CEP290: variants seen among roughly 807,000 people sequenced by gnomAD.
The protein encoded by CEP290 is centrosomal protein 290.
In CEP290, 317 loss-of-function variants were observed where a neutral mutation model predicts 344.9. The ratio of observed to expected loss-of-function variants is 0.92; its 90% CI spans 0.84 to 1.01. The LOEUF (loss-of-function observed/expected upper bound fraction) is 1.01. Among genes scored for constraint, CEP290 ranks in the 50% least tolerant of loss-of-function variants. CEP290 has a pLI of 0.00. For synonymous variants in CEP290, 932 were observed against 895.8 expected, an observed-to-expected ratio of 1.04 and a Z score of -0.72; for missense variants, 2,754 against 2,761.4, an observed-to-expected ratio of 1.00 and a Z score of 0.06.
chr12:88,100,370 C>T (rs975811947), intron 26 of CEP290, among the ~76,000 whole-genome samples: 11 of 151,612 alleles, frequency 7.3e-5, no homozygotes, highest in Admixed American at 4.6e-4. Context: ...TTTTCTTTTG[C>T]TTTATTACCC....
intron 5 of CEP290, among the ~76,000 whole-genome samples, chr12:88,138,748 T>C (rs1290371868): frequency 2.6e-5 from 4 of 152,220 alleles, no homozygotes; most frequent in Admixed American, 6.5e-5. Context: ...ATCACATTCC[T>C]ACCTTCTCAG....
chr12:88,090,921 T>G (rs1300625436), intron 29 of CEP290, 82 bp from the exon 30 acceptor site: 9 of 737,434 alleles, frequency 1.2e-5, no homozygotes, highest in Non-Finnish European at 2.2e-6. Flanking sequence ...TAGACCCTTT[T>G]TCAAAAAGCC....
At chr12:88,049,615 T>C in intron 53 of CEP290, 1 of 442,320 alleles carries the variant, frequency 2.3e-6, no homozygotes, top group Non-Finnish European at 4.0e-6. Context: ...AGTCCAGTTA[T>C]GTATTCTGTA....
At chr12:88,100,091 C>T (rs965706501) in intron 26 of CEP290, among the ~76,000 whole-genome samples, 7 of 151,940 alleles carry the variant, frequency 4.6e-5, no homozygotes, top group African/African-American at 1.7e-4. Context: ...ACCAGCCCGG[C>T]CAACATGGCA....
chr12:88,054,619 C>T (rs1030507903), intron 50 of CEP290, among the ~76,000 whole-genome samples: 1 of 152,130 alleles, frequency 6.6e-6, no homozygotes, highest in African/African-American at 2.4e-5. Flanking sequence ...CAGAGGCTAA[C>T]AGCAGTGAAC....
intron 18 of CEP290, chr12:88,115,446 T>C (rs2038981722): frequency 7.9e-7 from 1 of 1,265,784 alleles, no homozygotes; most frequent in Non-Finnish European, 1.0e-6. Context: ...AGTACCACAA[T>C]CATCTCTTTT....
chr12:88,083,801 G>T (rs1224058829), intron 36 of CEP290, 46 bp downstream of exon 36: 2 of 1,219,758 alleles, frequency 1.6e-6, no homozygotes, highest in African/African-American at 1.5e-5. Context: ...AATTTACATG[G>T]TCACAAAAAT....
chr12:88,090,162 T>C (rs1482307468), intron 30 of CEP290, among the ~76,000 whole-genome samples: 1 of 152,224 alleles, frequency 6.6e-6, no homozygotes, highest in Non-Finnish European at 1.5e-5. Flanking sequence ...AATATTGTTA[T>C]TAAAGATTTA....
At chr12:88,086,588 A>C (rs2036593263) in intron 32 of CEP290, 90 bp from the exon 33 acceptor site, 2 of 808,146 alleles carry the variant, frequency 2.5e-6, no homozygotes, top group East Asian at 2.8e-5. Context: ...TCTAATCCTC[A>C]CAACACATTG....
intron 49 of CEP290, 31 bp downstream of exon 49, chr12:88,058,817 A>T: frequency 6.2e-7 from 1 of 1,606,086 alleles, no homozygotes. Context: ...AAATGATTAA[A>T]CTTTGTACAA....
At chr12:88,077,435 G>A (rs1346248373) in intron 40 of CEP290, 91 bp from the exon 41 acceptor site, 1 of 883,186 alleles carries the variant, frequency 1.1e-6, no homozygotes, top group African/African-American at 1.7e-5. Flanking sequence ...GCAACTTTCT[G>A]AAGCTATCAC....
intron 25 of CEP290, chr12:88,103,955 T>G (rs2038085872): frequency 6.6e-6 from 1 of 152,082 alleles, no homozygotes. Flanking sequence ...CCCTTTTTCT[T>G]GGCTCTTCAA....
chr12:88,054,348 T>C lies in CEP290; in HGVS notation c.7026A>G (p.Gln2342=). 5 of 1,603,242 alleles carry C rather than the reference T, an allele frequency of 3.1e-6. No homozygotes were observed. The highest frequency in any genetic ancestry group is 2.2e-5 in the East Asian group (1 of 44,738). The change falls in exon 51 of 54, where the codon CAA becomes CAG. Residue 2342 remains glutamine (Q), a synonymous_variant. Transcript: ENST00000552810. ...ETEQGLKREL[Q]VLRLANHQLD... ...ATGAATACATGATGTACCTAAGAAC[T>C]TGAAGCTCCCGTTTAAGGCCTTGCT...
chr12:88,106,695 C>A lies in CEP290; in HGVS notation c.2797G>T (p.Gly933Trp), dbSNP rs772933929. 9 of 1,607,618 alleles carry A rather than the reference C, an allele frequency of 5.6e-6. No homozygotes were observed. Among genetic ancestry groups the A allele is most frequent in the Non-Finnish European group, 2.5e-6 (3 of 1,177,894 alleles). Reference sequence around the variant, plus strand: ...TGTACCTTAAATCTTTGCAAACACCCAATTTTTTCACAAACTTCAGCCTCC... The same window carrying A: ...TGTACCTTAAATCTTTGCAAACACCAAATTTTTTCACAAACTTCAGCCTCC... The part of the protein sequence containing the change: ...SMEAEVCEKI[G>W]CLQRFKEMAI... The change falls in exon 25 of 54, where the codon GGG (glycine) becomes TGG (tryptophan). Residue 933 changes from glycine (G) to tryptophan (W), a missense_variant. Gly to Trp is a radical substitution (Grantham distance 184). Coordinates refer to ENST00000552810, the MANE Select transcript of CEP290 (RefSeq NM_025114.4).
intron 6 of CEP290, among the ~76,000 whole-genome samples, chr12:88,134,996 G>A (rs1032475145): frequency 3.3e-5 from 5 of 151,926 alleles, no homozygotes; most frequent in Admixed American, 2.0e-4. Context: ...GGCTGATTAC[G>A]GTATCTCTCT....
chr12:88,069,273 T>C (rs1418365333), intron 43 of CEP290, among the ~76,000 whole-genome samples: 1 of 152,114 alleles, frequency 6.6e-6, no homozygotes, highest in Non-Finnish European at 1.5e-5. Context: ...CTCTTTAATA[T>C]CTAGATGATT....
At position 88,068,640 on chromosome 12, in the gene CEP290, T is replaced by A; in HGVS notation, c.6017A>T (p.His2006Leu). 1 of 1,596,418 alleles carries A rather than the reference T, an allele frequency of 6.3e-7. No homozygotes were observed. The highest frequency in any genetic ancestry group is 1.2e-5 in the South Asian group (1 of 85,828). The change falls in exon 44 of 54, where the codon CAC becomes CTC. Residue 2006 changes from histidine (H) to leucine (L), a missense_variant. Transcript: ENST00000552810. The part of the protein sequence containing the change: ...LENDILYMRA[H>L]QALPRDSVVE... ...AACAGAATCTCGAGGAAGAGCTTGG[T>A]GGGCCCTATGAACAACAATCACAGA... is the stretch of plus-strand genomic sequence containing the variant.
In CEP290 at chr12:88,130,550, T is replaced by C; in HGVS notation, c.511A>G (p.Lys171Glu). 1.9e-6 allele frequency: 3 copies of C among 1,592,694 alleles called. No individual in the cohort carries two copies. Among genetic ancestry groups the C allele is most frequent in the Non-Finnish European group, 2.6e-6 (3 of 1,170,906 alleles). ...KLRRENKRLK[K>E]KNEQLCQDII... ...CACCACACTTAAAGCCTCACCTTTTTCTTTAGACGTTTGTTCTACAGAAAA... is the reference window on the plus strand; with the variant it reads ...CACCACACTTAAAGCCTCACCTTTTCCTTTAGACGTTTGTTCTACAGAAAA... The change falls in exon 8 of 54, where the codon AAA becomes GAA. Residue 171 changes from lysine to glutamate, a missense_variant. Coordinates refer to ENST00000552810, the MANE Select transcript of CEP290 (RefSeq NM_025114.4).
intron 34 of CEP290, among the ~76,000 whole-genome samples, chr12:88,085,576 A>C (rs2036518318): frequency 6.6e-6 from 1 of 152,142 alleles, no homozygotes; most frequent in South Asian, 2.1e-4. Flanking sequence ...AATTTAATGA[A>C]GATGACAGAT....
Sources: gnomAD v4.1 joint callset for allele counts (sites outside exome capture counted in the v4.1 genomes callset) on GRCh38, gnomAD v4.1.1 for gene constraint, MANE v1.5 for transcripts, NCBI Gene and HGNC (gene_info 2026-07-23, HGNC 2026-07-21) for gene names.